Variants in RBFOX1 observed in about 807,000 individuals in gnomAD.
RBFOX1 encodes RNA binding fox-1 homolog 1, also known as RNA binding protein fox-1 homolog 1.
A neutral mutation model predicts 57.7 loss-of-function variants in RBFOX1; 8 were observed. The ratio of observed to expected loss-of-function variants is 0.14; its 90% CI spans 0.08 to 0.25. The LOEUF is 0.25. Among genes scored for constraint, RBFOX1 ranks in the 10% least tolerant of loss-of-function variants. The pLI, the probability that RBFOX1 is intolerant of heterozygous loss-of-function variation, is 1.00. For missense variants in RBFOX1, 611 were observed against 548.5 expected (o/e 1.11, Z -1.14); for synonymous variants, 326 against 222.4 (o/e 1.47, Z -4.15).
intron 2 of RBFOX1, among the ~76,000 whole-genome samples, chr16:6,333,043 T>A (rs2083227257): frequency 6.6e-6 from 1 of 152,106 alleles, no homozygotes; most frequent in Admixed American, 6.5e-5. Context: ...GTGACATTCT[T>A]TTTTTTTCTT....
chr16:6,571,654 G>T (rs2097346303), intron 2 of RBFOX1, among the ~76,000 whole-genome samples: 12 of 152,074 alleles, frequency 7.9e-5, no homozygotes, highest in Admixed American at 7.9e-4. Context: ...GGGTTCTCTT[G>T]AGCCTGCTGA....
intron 4 of RBFOX1, among the ~76,000 whole-genome samples, chr16:7,088,523 A>C (rs2060325063): frequency 7.3e-6 from 1 of 137,032 alleles, no homozygotes; most frequent in Non-Finnish European, 1.6e-5. Context: ...TCTGATAAAT[A>C]CTCTGTAGTT....
At chr16:6,320,409 G>A (rs2081624050) in intron 2 of RBFOX1, among the ~76,000 whole-genome samples, 1 of 152,096 alleles carries the variant, frequency 6.6e-6, no homozygotes, top group South Asian at 2.1e-4. Context: ...TTTGGGTGAT[G>A]AGTGTGCCAA....
intron 4 of RBFOX1, among the ~76,000 whole-genome samples, chr16:7,448,385 G>C (rs1315573147): frequency 6.6e-6 from 1 of 152,150 alleles, no homozygotes; most frequent in African/African-American, 2.4e-5. Flanking sequence ...CACATTGCTG[G>C]GGAGACCTCA....
chr16:5,272,336 G>A (rs1596356696), intron 1 of RBFOX1, among the ~76,000 whole-genome samples: 1 of 152,120 alleles, frequency 6.6e-6, no homozygotes, highest in Admixed American at 6.5e-5. Context: ...GTACAATTAT[G>A]ATTTGTCAAT....
In RBFOX1 at chr16:6,088,199, ATTT is replaced by A. The variant is rs564732424; in HGVS notation, c.-127+68215_-127+68217del. On this transcript the variant is annotated intron_variant, in intron 1 of 15. Transcript: ENST00000550418. ...CCCTCTTAGTTACTTTTTTTCTTTCATTTTTTTTTTCTCAGCTGTATTGCCTCA... is the reference window on the plus strand; with the variant it reads ...CCCTCTTAGTTACTTTTTTTCTTTCATTTTTTTCTCAGCTGTATTGCCTCA... Among the ~76,000 whole-genome samples the A allele has an allele frequency of 4.8e-5, 7 of 145,654 alleles. No individual in the cohort carries two copies. In the East Asian group the frequency reaches 1.4e-3, roughly 30 times the overall value.
intron 3 of RBFOX1, among the ~76,000 whole-genome samples, chr16:6,746,313 C>G (rs369883457): frequency 6.6e-5 from 10 of 151,964 alleles, no homozygotes; most frequent in Non-Finnish European, 1.2e-4. Flanking sequence ...GCCAAAATAT[C>G]TTTGAAAAAA....
At chr16:6,433,786 C>G (rs1361909410) in intron 2 of RBFOX1, among the ~76,000 whole-genome samples, 5 of 151,896 alleles carry the variant, frequency 3.3e-5, no homozygotes, top group Non-Finnish European at 7.4e-5. Flanking sequence ...GCACATCACT[C>G]CAACCTCTGC....
In RBFOX1 at chr16:5,749,722, C is replaced by G. The variant is rs370865730; in HGVS notation, c.319-117581C>G. On this transcript the variant is annotated intron_variant, in intron 3 of 19. Coordinates refer to the RBFOX1 transcript ENST00000641259. ...GCCATGGTTTTCAGTTCCATCAGGT[C>G]ATTTAAGGACTTCTCTACACTGGTT... Among the ~76,000 whole-genome samples the G allele has an allele frequency of 9.2e-5, 14 of 152,324 alleles. No individual in the cohort carries two copies. The South Asian group carries it at 2.3e-3, about 25-fold the overall frequency.
At chr16:5,658,934 C>T (rs911046468) in intron 3 of RBFOX1, among the ~76,000 whole-genome samples, 2 of 151,372 alleles carry the variant, frequency 1.3e-5, no homozygotes, top group Admixed American at 1.3e-4. Context: ...TGGACACTTG[C>T]ATTGCTTTTA....
intron 1 of RBFOX1, among the ~76,000 whole-genome samples, chr16:6,166,216 G>A (rs768013779): frequency 1.1e-4 from 17 of 152,222 alleles, no homozygotes; most frequent in African/African-American, 2.9e-4. Flanking sequence ...TTGCTAAAAC[G>A]TCTTCCACCT....
At chr16:7,580,244 C>T (rs113337239) in intron 6 of RBFOX1, among the ~76,000 whole-genome samples, 1 of 152,282 alleles carries the variant, frequency 6.6e-6, no homozygotes, top group African/African-American at 2.4e-5. Flanking sequence ...TGGCCCAGGA[C>T]ATCATACTGC....
chr16:5,839,954 G>A (rs1259443355), intron 3 of RBFOX1, among the ~76,000 whole-genome samples: 1 of 152,108 alleles, frequency 6.6e-6, no homozygotes, highest in Non-Finnish European at 1.5e-5. Context: ...AAGGTGAGTT[G>A]GAATGATTAC....
chr16:7,100,424 A>G (rs1434991049), intron 4 of RBFOX1, among the ~76,000 whole-genome samples: 2 of 152,160 alleles, frequency 1.3e-5, no homozygotes, highest in Non-Finnish European at 2.9e-5. Context: ...CTCTTTTAAA[A>G]TATCAGTATA....
intron 2 of RBFOX1, among the ~76,000 whole-genome samples, chr16:6,512,135 T>C (rs1326964834): frequency 6.7e-6 from 1 of 149,840 alleles, no homozygotes; most frequent in African/African-American, 2.5e-5. Flanking sequence ...AAAAAAGGAA[T>C]TCGCCAGGCA....
chr16:7,125,230 T>C (rs1425482367), intron 4 of RBFOX1, among the ~76,000 whole-genome samples: 4 of 152,186 alleles, frequency 2.6e-5, no homozygotes, highest in African/African-American at 9.7e-5. Context: ...ATCTGCCATT[T>C]AGCAGAGATA....
chr16:6,923,872 A>G (rs967369949), intron 3 of RBFOX1, among the ~76,000 whole-genome samples: 3 of 152,056 alleles, frequency 2.0e-5, no homozygotes, highest in East Asian at 1.9e-4. Flanking sequence ...CTGCATTGCT[A>G]TAAAGAAATA....
At chr16:7,488,675 C>G (rs1368289525) in intron 4 of RBFOX1, among the ~76,000 whole-genome samples, 1 of 152,198 alleles carries the variant, frequency 6.6e-6, no homozygotes, top group African/African-American at 2.4e-5. Context: ...TGTCCATCAT[C>G]TATCCATCTA....
chr16:7,551,034 C>T (rs934656348), intron 5 of RBFOX1, among the ~76,000 whole-genome samples: 2 of 139,482 alleles, frequency 1.4e-5, no homozygotes, highest in African/African-American at 5.4e-5. Context: ...GCGGAGGTTG[C>T]AGTGAGCTGA....
Sources: allele counts gnomAD v4.1 joint callset (sites outside exome capture counted in the v4.1 genomes callset), GRCh38; gene constraint gnomAD v4.1.1; transcripts MANE v1.5; gene names NCBI Gene and HGNC (gene_info 2026-07-23, HGNC 2026-07-21).